Variants in PIK3C3 observed in about 807,000 individuals in gnomAD.
PIK3C3 encodes the protein phosphatidylinositol 3-kinase catalytic subunit type 3, also known as PI3-kinase type 3.
A neutral mutation model predicts 126.1 loss-of-function variants in PIK3C3; 95 were observed. The observed-to-expected ratio is 0.75, with a 90% CI of 0.64 to 0.89. The LOEUF is 0.89. Ranked by LOEUF, PIK3C3 falls within the 40% of genes least tolerant of loss-of-function variation. PIK3C3 has a pLI of 0.00. For missense variants in PIK3C3, 829 were observed against 1,063.2 expected, an observed-to-expected ratio of 0.78 and a Z score of 3.06; for synonymous variants, 374 against 360.0, an observed-to-expected ratio of 1.04 and a Z score of -0.44.
In PIK3C3 at chr18:42,085,434, A is replaced by G. The variant is rs538572796; in HGVS notation, c.*4297A>G. On this transcript the variant is annotated 3_prime_UTR_variant, in exon 25 of 25. Coordinates refer to ENST00000262039, the MANE Select transcript of PIK3C3 (RefSeq NM_002647.4). ...TGCCATGAAATCATGAGCTAAGTCA[A>G]TGGTTATTTTAAACCACTTAATTTT... The G allele has an allele frequency of 1.3e-5, 2 of 152,226 alleles. No homozygotes were observed. Among genetic ancestry groups the G allele is most frequent in the Non-Finnish European group, 2.9e-5 (2 of 68,030 alleles). The allele number at this position is 152,226 out of a possible 1,614,324, so 9.4% of individuals were successfully genotyped here. A position where few individuals can be genotyped will look rare whatever the true frequency, so the allele number is the denominator to read the frequency against.
intron 21 of PIK3C3, among the ~76,000 whole-genome samples, chr18:42,055,303 A>G (rs1985014566): frequency 6.6e-6 from 1 of 152,066 alleles, no homozygotes; most frequent in African/African-American, 2.4e-5. Flanking sequence ...GATACTGAAA[A>G]CTATTATTGA....
intron 6 of PIK3C3, among the ~76,000 whole-genome samples, chr18:41,991,027 A>T (rs1234087653): frequency 1.3e-5 from 2 of 152,304 alleles, no homozygotes; most frequent in East Asian, 3.9e-4. Context: ...TGTACAATAG[A>T]TGCAAAATTA....
chr18:41,965,858 C>A (rs187007922), intron 3 of PIK3C3, among the ~76,000 whole-genome samples: 1 of 152,240 alleles, frequency 6.6e-6, no homozygotes, highest in Admixed American at 6.5e-5. Flanking sequence ...TTTAAAAAGT[C>A]ATTAAACCCC....
Position 42,000,558 on chromosome 18 carries a change from T to C in PIK3C3, c.985-3798T>C, listed in dbSNP as rs148525110. On this transcript the variant is annotated intron_variant, in intron 9 of 24. Transcript: ENST00000262039. ...AACCTGATGGATTTATATACGTGTG[T>C]GTTCATACCCCACTTTTGGTACCAA... Among the ~76,000 whole-genome samples the C allele has an allele frequency of 2.2e-3, 337 of 152,304 alleles. 1 individual carries two copies. Among genetic ancestry groups the C allele is most frequent in the African/African-American group, 7.5e-3 (311 of 41,564 alleles).
At chr18:42,009,386 G>A (rs1487158833) in intron 10 of PIK3C3, among the ~76,000 whole-genome samples, 3 of 152,102 alleles carry the variant, frequency 2.0e-5, no homozygotes, top group African/African-American at 7.2e-5. Flanking sequence ...ATTATTTGGT[G>A]TGAGATACAA....
chr18:41,957,123 C>T (rs1462771363), intron 1 of PIK3C3, among the ~76,000 whole-genome samples: 1 of 152,106 alleles, frequency 6.6e-6, no homozygotes, highest in Non-Finnish European at 1.5e-5. Flanking sequence ...TATTGTAATA[C>T]TGTATTGCTT....
At chr18:41,971,780 A>C (rs1980679168) in intron 4 of PIK3C3, among the ~76,000 whole-genome samples, 1 of 152,040 alleles carries the variant, frequency 6.6e-6, no homozygotes, top group Admixed American at 6.6e-5. Flanking sequence ...TATTTTTAAA[A>C]AAGCTCTTAA....
intron 14 of PIK3C3, 77 bp from the exon 15 acceptor site, chr18:42,029,248 G>A: frequency 1.2e-6 from 1 of 821,540 alleles, no homozygotes; most frequent in South Asian, 1.4e-5. Context: ...ATATGAATAA[G>A]GATTATCCAT....
chr18:41,967,395 C>A (rs1272446911), intron 3 of PIK3C3, among the ~76,000 whole-genome samples: 1 of 152,138 alleles, frequency 6.6e-6, no homozygotes, highest in African/African-American at 2.4e-5. Context: ...CTGCCTTTAA[C>A]CATAGTTTTC....
chr18:42,026,305 T>C (rs576146781), intron 13 of PIK3C3: 1 of 152,342 alleles, frequency 6.6e-6, no homozygotes, highest in African/African-American at 2.4e-5. Context: ...CTGAAAGTAA[T>C]TTAAAGTTTC....
chr18:41,964,314 C>T (rs1308633883), intron 3 of PIK3C3, among the ~76,000 whole-genome samples: 3 of 152,044 alleles, frequency 2.0e-5, no homozygotes, highest in African/African-American at 4.8e-5. Flanking sequence ...GTGTATAGTG[C>T]TATAGTGGTT....
chr18:41,990,374 C>T lies in PIK3C3; in HGVS notation c.619-85C>T, dbSNP rs529446530. On this transcript the variant is annotated intron_variant, in intron 5 of 24. Coordinates refer to ENST00000262039, the MANE Select transcript of PIK3C3 (RefSeq NM_002647.4). ...TTGTATTTGATAGATACATGTATTACTGAATTAGGAAAAATGATACATACT... is the reference window on the plus strand; with the variant it reads ...TTGTATTTGATAGATACATGTATTATTGAATTAGGAAAAATGATACATACT... 3.5e-4 allele frequency: 266 copies of T among 769,630 alleles called. 4 individuals are homozygous for T. In the South Asian group the frequency reaches 3.8e-3, roughly 11 times the overall value. 47.7% of individuals were successfully genotyped at this position (769,630 alleles called of 1,614,324 possible). A position where few individuals can be genotyped will look rare whatever the true frequency, so the allele number is the denominator to read the frequency against.
At chr18:42,045,718 A>G (rs1029291751) in intron 20 of PIK3C3, among the ~76,000 whole-genome samples, 4 of 152,206 alleles carry the variant, frequency 2.6e-5, no homozygotes, top group Non-Finnish European at 5.9e-5. Flanking sequence ...GACGGAATAT[A>G]TATAGATCCA....
At chr18:41,990,901 A>G (rs896696762) in intron 6 of PIK3C3, among the ~76,000 whole-genome samples, 1 of 152,202 alleles carries the variant, frequency 6.6e-6, no homozygotes, top group African/African-American at 2.4e-5. Context: ...TTATATTTCT[A>G]AGTGGTAGGC....
At chr18:41,994,052 T>G (rs1981910525) in intron 7 of PIK3C3, among the ~76,000 whole-genome samples, 2 of 152,142 alleles carry the variant, frequency 1.3e-5, no homozygotes, top group Non-Finnish European at 2.9e-5. Flanking sequence ...CATTTCTAAT[T>G]AGATTAGTTA....
chr18:42,040,129 T>C (rs1331828803), intron 18 of PIK3C3, among the ~76,000 whole-genome samples: 1 of 151,160 alleles, frequency 6.6e-6, no homozygotes, highest in Non-Finnish European at 1.5e-5. Flanking sequence ...TTTTTCTCCT[T>C]CTTCCACATA....
Position 42,013,432 on chromosome 18 carries a change from T to G in PIK3C3, c.1171-10T>G. Reference sequence around the variant, plus strand: ...TTCCTAATATTACTTTACTTTTTTTTGTTTTCCAGGATTTGTTGATGTACC... The same window carrying G: ...TTCCTAATATTACTTTACTTTTTTTGGTTTTCCAGGATTTGTTGATGTACC... On this transcript the variant is annotated splice_polypyrimidine_tract_variant and intron_variant, in intron 10 of 24. Coordinates refer to ENST00000262039, the MANE Select transcript of PIK3C3 (RefSeq NM_002647.4). 1 of 1,467,350 alleles carries G rather than the reference T, an allele frequency of 6.8e-7. No homozygotes were observed. Among genetic ancestry groups the G allele is most frequent in the Non-Finnish European group, 9.1e-7 (1 of 1,100,436 alleles). The allele number at this position is 1,467,350 out of a possible 1,614,324, so 90.9% of individuals were successfully genotyped here.
At chr18:42,035,236 T>C (rs1240614172) in intron 16 of PIK3C3, among the ~76,000 whole-genome samples, 1 of 152,116 alleles carries the variant, frequency 6.6e-6, no homozygotes, top group African/African-American at 2.4e-5. Context: ...AATATACATA[T>C]AACAACTGGC....
At chr18:42,027,327 A>G (rs1983613957) in intron 13 of PIK3C3, 116 bp from the exon 14 acceptor site, 1 of 474,896 alleles carries the variant, frequency 2.1e-6, no homozygotes, top group Non-Finnish European at 3.7e-6. Flanking sequence ...TTATTACTCC[A>G]ATTTTATTAT....
Sources: allele counts gnomAD v4.1 joint callset (sites outside exome capture counted in the v4.1 genomes callset), GRCh38; gene constraint gnomAD v4.1.1; transcripts MANE v1.5; gene names NCBI Gene and HGNC (gene_info 2026-07-23, HGNC 2026-07-21).